The following RIPOR1 variants were observed in gnomAD, a reference collection of about 807,000 sequenced individuals.
The protein encoded by RIPOR1 is RHO family interacting cell polarization regulator 1, also known as rho family-interacting cell polarization regulator 1.
A neutral mutation model predicts 116.5 loss-of-function variants in RIPOR1; 58 were observed. The observed-to-expected ratio is 0.50, with a 90% CI of 0.40 to 0.62. RIPOR1 has a LOEUF of 0.62. Among genes scored for constraint, RIPOR1 ranks in the 20% least tolerant of loss-of-function variants. The pLI is 0.00. For synonymous variants in RIPOR1, 605 were observed against 650.0 expected, an observed-to-expected ratio of 0.93 and a Z score of 1.05; for missense variants, 1,372 against 1,586.2, an observed-to-expected ratio of 0.86 and a Z score of 2.29.
Position 67,543,321 on chromosome 16 carries a change from C to A in RIPOR1, c.2479-27C>A. The A allele has an allele frequency of 6.2e-7, 1 of 1,607,596 alleles. No individual in the cohort carries two copies. The highest frequency in any genetic ancestry group is 8.5e-7 in the Non-Finnish European group (1 of 1,177,612). On this transcript the variant is annotated intron_variant, in intron 13 of 21. Coordinates refer to ENST00000042381, the MANE Select transcript of RIPOR1 (RefSeq NM_024519.4). The surrounding 1 kb of genome is among the most constrained non-coding windows in gnomAD (Gnocchi z 4.7). ...AGGGAGGGCAGCCAGGGGGCGGCAGCCGCTCTGATGCCCTTCACAACCTCA... is the reference window on the plus strand; with the variant it reads ...AGGGAGGGCAGCCAGGGGGCGGCAGACGCTCTGATGCCCTTCACAACCTCA...
Position 67,543,077 on chromosome 16 carries a change from A to G in RIPOR1, c.2291A>G (p.Gln764Arg), listed in dbSNP as rs1248679490. 6 of 1,522,398 alleles carry G rather than the reference A, an allele frequency of 3.9e-6. No homozygotes were observed. Among genetic ancestry groups the G allele is most frequent in the Middle Eastern group, 1.8e-4 (1 of 5,626 alleles). 94.3% of individuals were successfully genotyped at this position (1,522,398 alleles called of 1,614,324 possible). The change falls in exon 13 of 22, where the codon CAG (glutamine) becomes CGG (arginine). Residue 764 changes from glutamine to arginine, a missense_variant. Gln to Arg is a conservative substitution (Grantham distance 43). Transcript: ENST00000042381. This position sits in a 1 kb window ranked among gnomAD's most constrained non-coding sequence, Gnocchi z 4.7. ...PTPSPPTPAP[Q>R]HSDLCLAMAV... Reference sequence around the variant, plus strand: ...CCCTCACCCCCAACCCCTGCACCCCAGCATTCAGACCTTTGCCTGGCCATG... The same window carrying G: ...CCCTCACCCCCAACCCCTGCACCCCGGCATTCAGACCTTTGCCTGGCCATG...
chr16:67,542,173 G>T lies in RIPOR1; in HGVS notation c.1387G>T (p.Ala463Ser). The T allele has an allele frequency of 6.2e-7, 1 of 1,613,438 alleles. No individual in the cohort carries two copies. Among genetic ancestry groups the T allele is most frequent in the East Asian group, 2.2e-5 (1 of 44,842 alleles). The change falls in exon 13 of 22, where the codon GCT becomes TCT. Residue 463 changes from alanine to serine, a missense_variant. Ala to Ser is a moderately conservative substitution (Grantham distance 99). Around this residue, in one of 3 missense-constraint regions of RIPOR1, gnomAD observed 1,005 missense variants for 1,144.7 expected, o/e 0.88. Coordinates refer to ENST00000042381, the MANE Select transcript of RIPOR1 (RefSeq NM_024519.4). The surrounding 1 kb of genome is among the most constrained non-coding windows in gnomAD (Gnocchi z 4.6). ...TAGTGTAGATGCTGCCTTGGCTGAG[G>T]CTTCAGTGGAGGCCGTTGGCCCAGA... ...EASVDAALAE[A>S]SVEAVGPESL... is the part of the protein sequence containing the mutation.
In RIPOR1 at chr16:67,543,083, C is replaced by T; in HGVS notation, c.2297C>T (p.Ser766Leu). 6.6e-7 allele frequency: 1 copy of T among 1,522,688 alleles called. No individual in the cohort carries two copies. 94.3% of individuals were successfully genotyped at this position (1,522,688 alleles called of 1,614,324 possible). ...CCCCCAACCCCTGCACCCCAGCATT[C>T]AGACCTTTGCCTGGCCATGGCTGTC... is the stretch of plus-strand genomic sequence containing the variant. ...PSPPTPAPQH[S>L]DLCLAMAVQT... is the part of the protein sequence containing the mutation. Residue 766 changes from serine (S) to leucine (L), a missense_variant, in exon 13 of 22, where the codon TCA becomes TTA. Transcript: ENST00000042381. This position sits in a 1 kb window ranked among gnomAD's most constrained non-coding sequence, Gnocchi z 4.7.
At chr16:67,522,302 C>T (rs927288239) in intron 1 of RIPOR1, among the ~76,000 whole-genome samples, 1 of 148,430 alleles carries the variant, frequency 6.7e-6, no homozygotes, top group Non-Finnish European at 1.5e-5. Flanking sequence ...TCCCAGGTTC[C>T]AGCAATTCTC....
upstream of RIPOR1, among the ~76,000 whole-genome samples, chr16:67,527,779 G>A (rs374845932): frequency 6.6e-6 from 1 of 151,078 alleles, no homozygotes; most frequent in African/African-American, 2.4e-5. Context: ...GGAGGCTGAG[G>A]CAGGAGAATG....
chr16:67,539,094 C>T (rs749548017), intron 4 of RIPOR1, 26 bp downstream of exon 4: 48 of 1,598,724 alleles, frequency 3.0e-5, no homozygotes, highest in Non-Finnish European at 3.8e-5. Context: ...TACGGATGCC[C>T]TTTGCCTCTT....
In RIPOR1 at chr16:67,540,404, T is replaced by C; in HGVS notation, c.631+41T>C. On this transcript the variant is annotated intron_variant, in intron 8 of 21. Coordinates refer to ENST00000042381, the MANE Select transcript of RIPOR1 (RefSeq NM_024519.4). The surrounding 1 kb of genome is among the most constrained non-coding windows in gnomAD (Gnocchi z 4.7). ...GGCAGGTGGGGGGCTGGAGGGAGTA[T>C]GCTGAAGAACCCCAATATGGCTCAC... The C allele has an allele frequency of 6.2e-7, 1 of 1,614,146 alleles. No individual in the cohort carries two copies.
Position 67,543,026 on chromosome 16 carries a change from C to A in RIPOR1, c.2240C>A (p.Ser747Tyr), listed in dbSNP as rs946838086. 2 of 1,550,008 alleles carry A rather than the reference C, an allele frequency of 1.3e-6. No individual in the cohort carries two copies. Among genetic ancestry groups the A allele is most frequent in the African/African-American group, 2.8e-5 (2 of 72,716 alleles). ...LTSPAPDPSE[S>Y]TVQSLSPTPS... ...AGCCCTGCCCCAGATCCCTCAGAGT[C>A]TACGGTTCAGAGTCTAAGCCCCACT... Residue 747 changes from serine to tyrosine, a missense_variant, in exon 13 of 22, where the codon TCT becomes TAT. Physicochemically the swap from Ser to Tyr is moderately radical, Grantham distance 144. This residue lies in a region of RIPOR1 where 1,005 missense variants were observed against 1,144.7 expected (regional missense o/e 0.88). Transcript: ENST00000042381. The surrounding 1 kb of genome is among the most constrained non-coding windows in gnomAD (Gnocchi z 4.7).
chr16:67,536,049 G>A (rs1370835498), intron 1 of RIPOR1, among the ~76,000 whole-genome samples: 2 of 152,194 alleles, frequency 1.3e-5, no homozygotes, highest in African/African-American at 4.8e-5. Context: ...GAGCCTCAAG[G>A]AGCAAGAGTG....
At chr16:67,523,526 A>T (rs2050513044) in intron 1 of RIPOR1, among the ~76,000 whole-genome samples, 3 of 123,354 alleles carry the variant, frequency 2.4e-5, no homozygotes, top group African/African-American at 9.3e-5. Flanking sequence ...CTCCATAAAA[A>T]AAAAAAAAAA....
In RIPOR1 at chr16:67,545,166, A is replaced by G. The variant is rs1259148983; in HGVS notation, c.3031+49A>G. ...CACCCTTGCTCAGATTCCCAGTGACAGGAAGCTCGGGGAAGCCAGGTCAGC... is the reference window on the plus strand; with the variant it reads ...CACCCTTGCTCAGATTCCCAGTGACGGGAAGCTCGGGGAAGCCAGGTCAGC... On this transcript the variant is annotated intron_variant, in intron 17 of 21. Transcript: ENST00000042381. This position sits in a 1 kb window ranked among gnomAD's most constrained non-coding sequence, Gnocchi z 4.8. 1.3e-6 allele frequency: 2 copies of G among 1,597,962 alleles called. No individual in the cohort carries two copies. Among genetic ancestry groups the G allele is most frequent in the Non-Finnish European group, 1.7e-6 (2 of 1,173,254 alleles).
chr16:67,529,647 G>A lies in RIPOR1; in HGVS notation c.-24+733G>A, dbSNP rs1190435445. 1.0e-6 allele frequency: 1 copy of A among 956,586 alleles called. No individual in the cohort carries two copies. Among genetic ancestry groups the A allele is most frequent in the Non-Finnish European group, 1.5e-6 (1 of 650,124 alleles). 59.3% of individuals were successfully genotyped at this position (956,586 alleles called of 1,614,324 possible). ...TGTCCTCCTCTCCAGGGTGAGCCCT[G>A]AGTCCGGCCTCCCCTACAGACCCTC... On this transcript the variant is annotated intron_variant, in intron 1 of 21. Transcript: ENST00000042381. This position sits in a 1 kb window ranked among gnomAD's most constrained non-coding sequence, Gnocchi z 4.1.
chr16:67,533,028 T>A (rs1198416386), intron 1 of RIPOR1, among the ~76,000 whole-genome samples: 1 of 151,974 alleles, frequency 6.6e-6, no homozygotes, highest in Non-Finnish European at 1.5e-5. Context: ...AGGGGGCAGA[T>A]TGCAGAGAGA....
chr16:67,544,561 G>T lies in RIPOR1; in HGVS notation c.2733+130G>T. 1 of 1,536,084 alleles carries T rather than the reference G, an allele frequency of 6.5e-7. No homozygotes were observed. The highest frequency in any genetic ancestry group is 8.8e-7 in the Non-Finnish European group (1 of 1,133,028). ...AGTGCCCCAGGGCCCTTGGCATCTG[G>T]CCCTTGCTGAATGGAGTATCTCCCA... is the stretch of plus-strand genomic sequence containing the variant. On this transcript the variant is annotated intron_variant, in intron 15 of 21. Transcript: ENST00000042381. This position sits in a 1 kb window ranked among gnomAD's most constrained non-coding sequence, Gnocchi z 5.1.
Position 67,538,478 on chromosome 16 carries a change from G to C in RIPOR1, c.32G>C (p.Arg11Pro), listed in dbSNP as rs770663713. Reference sequence around the variant, plus strand: ...TCCCTGTCGGTGCGGCCGCAGCGCCGTCTGCTCAGCGCCCGGGTCAATAGG... The same window carrying C: ...TCCCTGTCGGTGCGGCCGCAGCGCCCTCTGCTCAGCGCCCGGGTCAATAGG... MMSLSVRPQR[R>P]LLSARVNRSQ... The change falls in exon 2 of 22, where the codon CGT becomes CCT. Residue 11 changes from arginine to proline, a missense_variant. Around this residue, in one of 3 missense-constraint regions of RIPOR1, gnomAD observed 165 missense variants for 145.5 expected, o/e 1.13. Transcript: ENST00000042381. The C allele has an allele frequency of 2.3e-5, 37 of 1,610,598 alleles. No homozygotes were observed. In the East Asian group the frequency reaches 6.9e-4, roughly 30 times the overall value.
rs771814611 is a variant in RIPOR1 at position 67,541,771 on chromosome 16, C to T, written c.1069C>T (p.Gln357Ter). 1 of 1,614,122 alleles carries T rather than the reference C, an allele frequency of 6.2e-7. No homozygotes were observed. The highest frequency in any genetic ancestry group is 2.2e-5 in the East Asian group (1 of 44,884). Reference sequence around the variant, plus strand: ...ACCGGACACACCCTCACTTCGGGAACAGGCTTTCTATGTGAGTCATAGCCC... The same window carrying T: ...ACCGGACACACCCTCACTTCGGGAATAGGCTTTCTATGTGAGTCATAGCCC... ...SPPDTPSLRE[Q>*]AFYNMLRRQE... is the part of the protein sequence containing the mutation. Residue 357 changes from glutamine to a stop codon, truncating the protein, a stop_gained, in exon 12 of 22, where the codon CAG becomes TAG. Transcript: ENST00000042381. LOFTEE classifies it high-confidence loss of function. The surrounding 1 kb of genome is among the most constrained non-coding windows in gnomAD (Gnocchi z 4.6).
intron 4 of RIPOR1, 125 bp from the exon 5 acceptor site, chr16:67,539,603 G>A: frequency 8.6e-7 from 1 of 1,160,866 alleles, no homozygotes; most frequent in Non-Finnish European, 1.3e-6. Flanking sequence ...GGCGTCAGTT[G>A]CTACTGTGAC....
Position 67,531,751 on chromosome 16 carries a change from G to T in RIPOR1, c.-24+2837G>T. On this transcript the variant is annotated intron_variant, in intron 1 of 21. Coordinates refer to ENST00000042381, the MANE Select transcript of RIPOR1 (RefSeq NM_024519.4). The surrounding 1 kb of genome is among the most constrained non-coding windows in gnomAD (Gnocchi z 4.2). The stretch of plus-strand genomic sequence containing the variant: ...AAGGGCCTACGTGGGTCATGTTAGA[G>T]AGTCTGGGCTTTCTCCCTGGGACAA... 3 of 353,820 alleles carry T rather than the reference G, an allele frequency of 8.5e-6. No homozygotes were observed. Among genetic ancestry groups the T allele is most frequent in the South Asian group, 6.2e-5 (3 of 48,506 alleles). The allele number at this position is 353,820 out of a possible 1,614,324, so 21.9% of individuals were successfully genotyped here. A position where few individuals can be genotyped will look rare whatever the true frequency, so the allele number is the denominator to read the frequency against.
At chr16:67,527,871 A>C (rs1004470356), upstream of RIPOR1, among the ~76,000 whole-genome samples, 5 of 150,688 alleles carry the variant, frequency 3.3e-5, no homozygotes, top group South Asian at 6.3e-4. Flanking sequence ...AAAAAAAAAA[A>C]CCCGACCAAA....
Sources: gnomAD v4.1 joint callset for allele counts (sites outside exome capture counted in the v4.1 genomes callset) on GRCh38, gnomAD v4.1.1 for gene constraint, gnomAD v4.1.1 regional missense constraint, Gnocchi (gnomAD v3.1) non-coding constraint, MANE v1.5 for transcripts, NCBI Gene and HGNC (gene_info 2026-07-23, HGNC 2026-07-21) for gene names.